The following METTL22 variants were observed in gnomAD, a reference collection of about 807,000 sequenced individuals.
The protein encoded by METTL22 is methyltransferase-like protein 22.
A neutral mutation model predicts 48.4 loss-of-function variants in METTL22; 51 were observed. The ratio of observed to expected loss-of-function variants is 1.05; its 90% CI spans 0.84 to 1.33. The LOEUF (loss-of-function observed/expected upper bound fraction) is 1.33, where lower values mean the gene tolerates loss of function less well. METTL22 is among the 40% of genes most tolerant of loss of function. METTL22 has a pLI of 0.00. For missense variants in METTL22, 678 were observed against 526.9 expected, an observed-to-expected ratio of 1.29 and a Z score of -2.81; for synonymous variants, 255 against 214.1, an observed-to-expected ratio of 1.19 and a Z score of -1.67.
At chr16:8,660,959 G>A in the METTL22 span, among the ~76,000 whole-genome samples, 2 of 151,736 alleles carry the variant, frequency 1.3e-5, no homozygotes, top group Admixed American at 1.3e-4. Flanking sequence ...AGCTACCAGG[G>A]ATCCGGACTC....
chr16:8,635,408 A>C, intron 5 of METTL22, 96 bp downstream of exon 5: 1 of 1,404,636 alleles, frequency 7.1e-7, no homozygotes, highest in Non-Finnish European at 9.4e-7. Context: ...TGGAAATTGG[A>C]TGTTAGCTGT....
rs757385549 is a variant in METTL22, at chr16:8,642,516, G to A, written c.961G>A (p.Ala321Thr). Reference protein sequence around the residue: ...DAVFKTLSRLAHRLKNACTAI... With the variant: ...DAVFKTLSRLTHRLKNACTAI... ...TGTGTTTAAAACGCTCTCCCGACTC[G>A]CCCACAGATTGAAAAATGCCTGCAC... The change falls in exon 9 of 11, where the codon GCC becomes ACC. Residue 321 changes from alanine (A) to threonine (T), a missense_variant. By Grantham distance (58) the Ala-to-Thr change is moderately conservative. Coordinates refer to ENST00000381920, the MANE Select transcript of METTL22 (RefSeq NM_024109.4). 28 of 1,614,064 alleles carry A rather than the reference G, an allele frequency of 1.7e-5. No homozygotes were observed. Among genetic ancestry groups the A allele is most frequent in the East Asian group, 2.2e-5 (1 of 44,900 alleles).
intron 5 of METTL22, among the ~76,000 whole-genome samples, chr16:8,636,697 A>G (rs1323010867): frequency 6.7e-6 from 1 of 148,324 alleles, no homozygotes; most frequent in East Asian, 2.0e-4. Flanking sequence ...ACATCTTTGT[A>G]TATTGTCTAA....
At chr16:8,658,430 T>G in the METTL22 span, among the ~76,000 whole-genome samples, 1 of 152,116 alleles carries the variant, frequency 6.6e-6, no homozygotes, top group Non-Finnish European at 1.5e-5. Flanking sequence ...AATGTGCACC[T>G]CATGGTAAAG....
the METTL22 span, among the ~76,000 whole-genome samples, chr16:8,654,770 G>C: frequency 6.6e-6 from 1 of 152,184 alleles, no homozygotes; most frequent in Admixed American, 6.5e-5. Flanking sequence ...AGAATGCATA[G>C]AATGAGACTA....
chr16:8,663,256 C>T, the METTL22 span, among the ~76,000 whole-genome samples: 5 of 149,502 alleles, frequency 3.3e-5, no homozygotes, highest in African/African-American at 1.2e-4. Context: ...CATCATCTCC[C>T]TATTATTATT....
chr16:8,640,969 G>T lies in METTL22; in HGVS notation c.773-162G>T, dbSNP rs368387864. On this transcript the variant is annotated intron_variant, in intron 6 of 10. Transcript: ENST00000381920. The stretch of plus-strand genomic sequence containing the variant: ...GGGTGGGTGGATGGCTGGCTGGCTG[G>T]CTGGCTGGCTGGCTGTAAAGATGGA... Among the ~76,000 whole-genome samples, 48 of 113,684 alleles carry T rather than the reference G, an allele frequency of 4.2e-4. 2 individuals carry two copies. The highest frequency in any genetic ancestry group is 8.1e-4 in the Non-Finnish European group (41 of 50,402). The allele number at this position is 113,684 out of a possible 152,430, so 74.6% of individuals were successfully genotyped here.
At chr16:8,667,214 C>CTT in the METTL22 span, 15 of 151,960 alleles carry the variant, frequency 9.9e-5, no homozygotes, top group African/African-American at 3.1e-4. Context: ...TTCAGGTTTT[C>CTT]TTTTAACAAA....
intron 9 of METTL22, 133 bp downstream of exon 9, chr16:8,642,698 G>A (rs1229174462): frequency 5.9e-6 from 5 of 847,266 alleles, no homozygotes; most frequent in Non-Finnish European, 8.0e-6. Flanking sequence ...TATGTGCCAG[G>A]TCTGTGCTCA....
chr16:8,640,330 A>G (rs1002939173), intron 6 of METTL22, among the ~76,000 whole-genome samples: 5 of 152,030 alleles, frequency 3.3e-5, no homozygotes, highest in Admixed American at 1.3e-4. Context: ...TCCTTCTGGC[A>G]TCACCCAGCC....
the METTL22 span, among the ~76,000 whole-genome samples, chr16:8,661,442 C>G: frequency 6.1e-5 from 9 of 146,690 alleles, no homozygotes; most frequent in African/African-American, 2.0e-4. Flanking sequence ...GTCAGGAGAT[C>G]GAGACCATCC....
chr16:8,641,030 G>A, intron 6 of METTL22, 101 bp from the exon 7 acceptor site: 1 of 1,097,368 alleles, frequency 9.1e-7, no homozygotes, highest in Non-Finnish European at 1.4e-6. Flanking sequence ...GCAAGGGTGG[G>A]TGGGTGGATA....
At chr16:8,651,714 T>C (rs183547177), downstream of METTL22, among the ~76,000 whole-genome samples, 10 of 152,306 alleles carry the variant, frequency 6.6e-5, no homozygotes, top group African/African-American at 2.4e-4. Context: ...AATTTCAGGT[T>C]CCGTGTTGTA....
rs2056849185 is a variant in METTL22 at position 8,648,833 on chromosome 16, A to G, written c.*2690A>G. ...AGCCTCAGCTCAGGACGTGATTCCG[A>G]ATCTGCATCTCAACGAGACCCTGGG... On this transcript the variant is annotated 3_prime_UTR_variant, in exon 11 of 11. Transcript: ENST00000381920. 1 of 152,288 alleles carries G rather than the reference A, an allele frequency of 6.6e-6. No individual in the cohort carries two copies. The highest frequency in any genetic ancestry group is 2.4e-5 in the African/African-American group (1 of 41,464). 9.4% of individuals were successfully genotyped at this position (152,288 alleles called of 1,614,324 possible). A position where few individuals can be genotyped will look rare whatever the true frequency, so the allele number is the denominator to read the frequency against.
intron 7 of METTL22, 91 bp downstream of exon 7, chr16:8,641,275 G>A: frequency 2.3e-6 from 3 of 1,285,814 alleles, no homozygotes; most frequent in South Asian, 1.2e-5. Context: ...TGACAGAGCT[G>A]TAGTCCCAGC....
At chr16:8,623,897 T>C (rs2055948425) in intron 1 of METTL22, 1 of 152,134 alleles carries the variant, frequency 6.6e-6, no homozygotes, top group Non-Finnish European at 1.5e-5. Context: ...TCTACCCAGG[T>C]AGGAACAGCT....
At chr16:8,653,084 G>C (rs2056922105), downstream of METTL22, among the ~76,000 whole-genome samples, 1 of 152,172 alleles carries the variant, frequency 6.6e-6, no homozygotes, top group African/African-American at 2.4e-5. Flanking sequence ...GCTGATATTG[G>C]AAGCAGGCAG....
At position 8,647,806 on chromosome 16, in the gene METTL22, T is replaced by G. The variant is rs1046975002; in HGVS notation, c.*1663T>G. 6.6e-6 allele frequency: 1 copy of G among 152,208 alleles called. No homozygotes were observed. The highest frequency in any genetic ancestry group is 2.4e-5 in the African/African-American group (1 of 41,446). 9.4% of individuals were successfully genotyped at this position (152,208 alleles called of 1,614,324 possible). On this transcript the variant is annotated 3_prime_UTR_variant, in exon 11 of 11. Coordinates refer to ENST00000381920, the MANE Select transcript of METTL22 (RefSeq NM_024109.4). The stretch of plus-strand genomic sequence containing the variant: ...ACCTATGCATGTACGTTATTATAAA[T>G]CTTCAAAGAACCTAAAAGGCAGAAG...
chr16:8,628,683 A>G (rs1405173796), intron 2 of METTL22, 47 bp from the exon 3 acceptor site: 7 of 1,548,284 alleles, frequency 4.5e-6, no homozygotes, highest in Non-Finnish European at 6.1e-6. Context: ...AAGGTAAAAA[A>G]GAAAACATCT....
Sources: gnomAD v4.1 joint callset for allele counts (sites outside exome capture counted in the v4.1 genomes callset) on GRCh38, gnomAD v4.1.1 for gene constraint, MANE v1.5 for transcripts, NCBI Gene and HGNC (gene_info 2026-07-23, HGNC 2026-07-21) for gene names.